The following RARS2 variants were observed in gnomAD, a reference collection of about 807,000 sequenced individuals.
RARS2 encodes arginyl-tRNA synthetase 2, mitochondrial, also known as probable arginine--tRNA ligase, mitochondrial.
RARS2 carries 67 observed loss-of-function variants against 88.5 expected under a neutral mutation model. The ratio of observed to expected loss-of-function variants is 0.76; its 90% confidence interval spans 0.62 to 0.93. The LOEUF (loss-of-function observed/expected upper bound fraction) is 0.93, where lower values mean the gene tolerates loss of function less well. Ranked by LOEUF, RARS2 falls within the 40% of genes least tolerant of loss-of-function variation. The pLI is 0.00. For missense variants in RARS2, 664 were observed against 684.2 expected, an observed-to-expected ratio of 0.97 and a Z score of 0.33; for synonymous variants, 239 against 230.3, an observed-to-expected ratio of 1.04 and a Z score of -0.34.
At chr6:87,575,819 ATTTTT>A (rs1254674868) in intron 1 of RARS2, among the ~76,000 whole-genome samples, 1 of 145,506 alleles carries the variant, frequency 6.9e-6, no homozygotes, top group East Asian at 2.0e-4. Context: ...TTGTGGATAA[ATTTTT>A]TTTTTTTTTG....
chr6:87,588,885 T>C (rs1562295375), intron 1 of RARS2, among the ~76,000 whole-genome samples: 1 of 152,180 alleles, frequency 6.6e-6, no homozygotes, highest in Non-Finnish European at 1.5e-5. Flanking sequence ...CCCAGTTTAA[T>C]ACACTACCAA....
At chr6:87,539,373 C>G (rs1780193407) in intron 8 of RARS2, among the ~76,000 whole-genome samples, 4 of 152,202 alleles carry the variant, frequency 2.6e-5, no homozygotes, top group Admixed American at 1.3e-4. Flanking sequence ...TCATAACATC[C>G]TTAAATATCT....
chr6:87,537,748 A>G (rs1191180130), intron 8 of RARS2, among the ~76,000 whole-genome samples: 1 of 152,250 alleles, frequency 6.6e-6, no homozygotes, highest in African/African-American at 2.4e-5. Context: ...CAAATAAGAA[A>G]GAGTAAATGC....
chr6:87,578,704 A>C (rs1029844295), intron 1 of RARS2, among the ~76,000 whole-genome samples: 4 of 152,200 alleles, frequency 2.6e-5, no homozygotes, highest in African/African-American at 9.6e-5. Context: ...TGCGCCTGTA[A>C]TCCCAGCACT....
rs555661056 is a variant in RARS2, at chr6:87,570,457, C to T, written c.37-867G>A. On this transcript the variant is annotated intron_variant, in intron 1 of 19. Transcript: ENST00000369536. ...TTTTTGAGACAGAGTCTCGCTCTGT[C>T]ACCCAGGCTGGAGTACAGTGACGTG... 9.3e-4 allele frequency among the ~76,000 whole-genome samples: 141 copies of T among 152,264 alleles called. 1 individual carries two copies. Among genetic ancestry groups the T allele is most frequent in the Non-Finnish European group, 1.6e-3 (106 of 68,016 alleles).
intron 8 of RARS2, among the ~76,000 whole-genome samples, chr6:87,532,733 G>A (rs7767608): frequency 0.027 from 4,130 of 152,160 alleles, 172 homozygotes; most frequent in African/African-American, 0.094. Flanking sequence ...AGTCCTCTGC[G>A]TGAATCACAG....
At chr6:87,587,456 A>G (rs945460216) in intron 1 of RARS2, among the ~76,000 whole-genome samples, 10 of 152,212 alleles carry the variant, frequency 6.6e-5, no homozygotes, top group African/African-American at 2.2e-4. Flanking sequence ...AAATACATAT[A>G]TATCTGCATA....
At chr6:87,524,082 C>T (rs940061682) in intron 11 of RARS2, among the ~76,000 whole-genome samples, 3 of 152,102 alleles carry the variant, frequency 2.0e-5, no homozygotes, top group Non-Finnish European at 4.4e-5. Context: ...GATTTGTGAC[C>T]TAATATAAAA....
intron 8 of RARS2, among the ~76,000 whole-genome samples, chr6:87,534,133 T>C (rs1314451731): frequency 6.6e-6 from 1 of 152,242 alleles, no homozygotes; most frequent in Non-Finnish European, 1.5e-5. Flanking sequence ...TAGCTGCTAG[T>C]TGATTCCGAA....
intron 10 of RARS2, among the ~76,000 whole-genome samples, chr6:87,527,552 T>C (rs1031874044): frequency 6.6e-6 from 1 of 152,024 alleles, no homozygotes; most frequent in African/African-American, 2.4e-5. Context: ...AATACACAGA[T>C]GGGATTGCAT....
chr6:87,536,402 C>T (rs1048144487), intron 8 of RARS2, among the ~76,000 whole-genome samples: 1 of 151,776 alleles, frequency 6.6e-6, no homozygotes, highest in Non-Finnish European at 1.5e-5. Context: ...TTTGTGAGGC[C>T]AAGGTGGGCG....
At chr6:87,526,254 G>A (rs571874917) in intron 10 of RARS2, among the ~76,000 whole-genome samples, 47 of 152,268 alleles carry the variant, frequency 3.1e-4, no homozygotes, top group South Asian at 4.1e-4. Context: ...GGTGGCTCAC[G>A]TCTATAATCC....
chr6:87,579,900 G>A (rs1046684447), intron 1 of RARS2, among the ~76,000 whole-genome samples: 5 of 151,532 alleles, frequency 3.3e-5, no homozygotes, highest in African/African-American at 9.7e-5. Flanking sequence ...CACCCACTAT[G>A]CCCAGCTAAT....
chr6:87,539,194 T>C (rs1780136795), intron 8 of RARS2, among the ~76,000 whole-genome samples: 1 of 152,182 alleles, frequency 6.6e-6, no homozygotes, highest in Non-Finnish European at 1.5e-5. Flanking sequence ...CATGCTGCAC[T>C]CTAAATCAAT....
chr6:87,519,264 T>C, intron 14 of RARS2: 1 of 344,658 alleles, frequency 2.9e-6, no homozygotes, highest in East Asian at 7.1e-5. Flanking sequence ...TGAAGGTTAA[T>C]TAAAGTCATA....
chr6:87,549,987 G>A (rs1783837022), intron 5 of RARS2, among the ~76,000 whole-genome samples: 1 of 152,134 alleles, frequency 6.6e-6, no homozygotes, highest in Non-Finnish European at 1.5e-5. Flanking sequence ...CTGGTTAAAA[G>A]TGGTAAAACT....
Position 87,518,401 on chromosome 6 carries a change from A to AC in RARS2, c.1416-138_1416-137insG. On this transcript the variant is annotated intron_variant, in intron 16 of 19. Transcript: ENST00000369536. ...ATCCATACACAGTGGAGGTAACAGT[A>AC]TATTTTTCGACAGGGTTATTCTGAG... The AC allele has an allele frequency of 7.2e-6, 11 of 1,523,338 alleles. 2 individuals carry two copies. In the South Asian group the frequency reaches 9.8e-5, roughly 14 times the overall value. 94.4% of individuals were successfully genotyped at this position (1,523,338 alleles called of 1,614,324 possible). A position where few individuals can be genotyped will look rare whatever the true frequency, so the allele number is the denominator to read the frequency against.
At chr6:87,531,765 T>A (rs1777608499) in intron 8 of RARS2, among the ~76,000 whole-genome samples, 1 of 152,104 alleles carries the variant, frequency 6.6e-6, no homozygotes, top group South Asian at 2.1e-4. Context: ...CATTTTTCAG[T>A]CTCCAAAATA....
At chr6:87,588,473 G>A (rs1169027054) in intron 1 of RARS2, among the ~76,000 whole-genome samples, 3 of 152,210 alleles carry the variant, frequency 2.0e-5, no homozygotes, top group East Asian at 1.9e-4. Flanking sequence ...GTCCGTCCAA[G>A]TGATCCTCCA....
Sources: gnomAD v4.1 joint callset for allele counts (sites outside exome capture counted in the v4.1 genomes callset) on GRCh38, gnomAD v4.1.1 for gene constraint, MANE v1.5 for transcripts, NCBI Gene and HGNC (gene_info 2026-07-23, HGNC 2026-07-21) for gene names.